The following SYT16 variants were observed in gnomAD, a reference collection of about 807,000 sequenced individuals.
The protein encoded by SYT16 is synaptotagmin-16.
In SYT16, 42 loss-of-function variants were observed where a neutral mutation model predicts 61.4. That is an observed-to-expected ratio of 0.68 (90% CI 0.53 to 0.89). The LOEUF is 0.89. Among genes scored for constraint, SYT16 ranks in the 40% least tolerant of loss-of-function variants. The pLI is 0.00. For missense variants in SYT16, 804 were observed against 807.3 expected (o/e 1.00, Z 0.05); for synonymous variants, 314 against 302.3 (o/e 1.04, Z -0.40).
intron 1 of SYT16, among the ~76,000 whole-genome samples, chr14:61,936,797 C>T (rs142386993): frequency 3.9e-5 from 6 of 152,302 alleles, no homozygotes; most frequent in East Asian, 3.9e-4. Context: ...GTACCATCCT[C>T]GGCAACTTTT....
At chr14:61,868,954 A>G (rs898806541) in intron 1 of SYT16, among the ~76,000 whole-genome samples, 1 of 152,084 alleles carries the variant, frequency 6.6e-6, no homozygotes, top group Non-Finnish European at 1.5e-5. Context: ...TGCTTCATGC[A>G]TTTTGAAGTT....
chr14:61,920,990 ACT>A (rs1296004223), intron 1 of SYT16, among the ~76,000 whole-genome samples: 2 of 151,202 alleles, frequency 1.3e-5, no homozygotes, highest in African/African-American at 2.4e-5. Context: ...CCTTCAGTAA[ACT>A]CTCCTCAGAC....
chr14:61,911,549 A>G (rs1029171635), intron 1 of SYT16, among the ~76,000 whole-genome samples: 2 of 152,222 alleles, frequency 1.3e-5, no homozygotes, highest in African/African-American at 4.8e-5. Context: ...TGAAAGAACC[A>G]AGACAGATGA....
chr14:61,816,714 A>G (rs901461163), intron 1 of SYT16, among the ~76,000 whole-genome samples: 3 of 152,090 alleles, frequency 2.0e-5, no homozygotes, highest in African/African-American at 4.8e-5. Context: ...TTTCTTAGTT[A>G]AGAACTTCCA....
chr14:62,038,290 G>A (rs922625041), intron 3 of SYT16, among the ~76,000 whole-genome samples: 4 of 150,300 alleles, frequency 2.7e-5, no homozygotes, highest in Non-Finnish European at 4.4e-5. Context: ...AAGATACATG[G>A]TACTCTTTCC....
chr14:61,888,393 C>T (rs1224447052), intron 1 of SYT16, among the ~76,000 whole-genome samples: 2 of 152,140 alleles, frequency 1.3e-5, no homozygotes, highest in African/African-American at 4.8e-5. Flanking sequence ...GCTGGGATTA[C>T]AGGCATGAGC....
intron 1 of SYT16, among the ~76,000 whole-genome samples, chr14:61,965,627 G>A (rs2051285904): frequency 1.3e-5 from 2 of 152,214 alleles, no homozygotes; most frequent in Middle Eastern, 3.4e-3. Context: ...TGCCAGAGTG[G>A]TTATAAGCAT....
chr14:62,015,295 AT>A (rs1231423192), intron 3 of SYT16, among the ~76,000 whole-genome samples: 4 of 150,060 alleles, frequency 2.7e-5, no homozygotes, highest in African/African-American at 7.4e-5. Context: ...AAAAAAAAAA[AT>A]GAATGGCTAA....
intron 1 of SYT16, among the ~76,000 whole-genome samples, chr14:61,966,547 A>G (rs2051322639): frequency 6.6e-6 from 1 of 152,170 alleles, no homozygotes; most frequent in Non-Finnish European, 1.5e-5. Context: ...TTACAATTTT[A>G]TATTTGCCAT....
At chr14:61,843,586 G>T (rs989256274) in intron 1 of SYT16, among the ~76,000 whole-genome samples, 1 of 152,116 alleles carries the variant, frequency 6.6e-6, no homozygotes, top group African/African-American at 2.4e-5. Context: ...TTTGTAAAAG[G>T]CAAGAGATAG....
chr14:62,060,066 T>C (rs894714336), intron 3 of SYT16, among the ~76,000 whole-genome samples: 7 of 152,118 alleles, frequency 4.6e-5, no homozygotes, highest in African/African-American at 1.4e-4. Flanking sequence ...CCCCCTACTT[T>C]GCTCTTCTTA....
chr14:61,954,540 A>T (rs2050796881), intron 1 of SYT16, among the ~76,000 whole-genome samples: 1 of 152,114 alleles, frequency 6.6e-6, no homozygotes, highest in African/African-American at 2.4e-5. Context: ...CAGCCATCTG[A>T]TTTCCAATTT....
chr14:61,843,076 C>CT (rs202147341), intron 1 of SYT16, among the ~76,000 whole-genome samples: 31 of 147,474 alleles, frequency 2.1e-4, no homozygotes, highest in Middle Eastern at 3.6e-3. Flanking sequence ...GTACTGATAT[C>CT]TTTTTTTTTA....
At chr14:62,087,107 C>T (rs2056911378) in intron 7 of SYT16, among the ~76,000 whole-genome samples, 1 of 152,190 alleles carries the variant, frequency 6.6e-6, no homozygotes, top group Admixed American at 6.5e-5. Flanking sequence ...ACTCACACTA[C>T]TTTGACAGTT....
intron 1 of SYT16, among the ~76,000 whole-genome samples, chr14:61,852,693 A>T (rs1016033968): frequency 2.0e-5 from 3 of 152,080 alleles, no homozygotes; most frequent in Non-Finnish European, 4.4e-5. Context: ...GTGAGTGGCA[A>T]TTCATTCATG....
At chr14:61,821,064 T>C (rs1290309162) in intron 1 of SYT16, among the ~76,000 whole-genome samples, 1 of 152,134 alleles carries the variant, frequency 6.6e-6, no homozygotes, top group Non-Finnish European at 1.5e-5. Flanking sequence ...GGTTTCACTA[T>C]TCTTGGTATT....
chr14:61,908,425 T>A (rs1165938830), intron 1 of SYT16, among the ~76,000 whole-genome samples: 2 of 152,214 alleles, frequency 1.3e-5, no homozygotes, highest in Non-Finnish European at 2.9e-5. Context: ...TTTAAAGTCA[T>A]TTCAGGTATT....
At chr14:61,954,628 A>G (rs927856976) in intron 1 of SYT16, among the ~76,000 whole-genome samples, 2 of 152,168 alleles carry the variant, frequency 1.3e-5, no homozygotes, top group African/African-American at 2.4e-5. Context: ...CTTGTCATCT[A>G]TAGCAGATGA....
intron 1 of SYT16, among the ~76,000 whole-genome samples, chr14:61,935,369 G>A (rs906622850): frequency 1.1e-4 from 17 of 152,096 alleles, no homozygotes; most frequent in African/African-American, 4.1e-4. Flanking sequence ...TTTCTATCTG[G>A]TGGTCTTTGC....
Sources: allele counts gnomAD v4.1 joint callset (sites outside exome capture counted in the v4.1 genomes callset), GRCh38; gene constraint gnomAD v4.1.1; transcripts MANE v1.5; gene names NCBI Gene and HGNC (gene_info 2026-07-23, HGNC 2026-07-21).